SATL1: variants seen among roughly 807,000 people sequenced by gnomAD.
The protein encoded by SATL1 is spermidine/spermine N(1)-acetyltransferase-like protein 1.
Under a neutral mutation model 51.8 loss-of-function variants are expected in SATL1, and 47 were observed. The observed-to-expected ratio is 0.91, with a 90% confidence interval of 0.72 to 1.16. The LOEUF is 1.16. Ranked by LOEUF, SATL1 falls within the 50% of genes most tolerant of loss-of-function variation. The probability of loss-of-function intolerance (pLI) is 0.00; values close to 1 mark genes in which losing one functional copy is unlikely to be tolerated. For missense variants in SATL1, 520 were observed against 526.4 expected, an observed-to-expected ratio of 0.99 and a Z score of 0.12; for synonymous variants, 176 against 182.4, an observed-to-expected ratio of 0.97 and a Z score of 0.28.
chrX:85,215,033 G>A (rs1338204583), intron 2 of SATL1, among the ~76,000 whole-genome samples: 2 of 111,897 alleles, frequency 1.8e-5, no homozygotes, highest in African/African-American at 6.5e-5. Flanking sequence ...AGTCTGGAGG[G>A]TGGTAGCACT....
At chrX:85,093,034 A>T in intron 7 of SATL1, 151 bp downstream of exon 7, 1 of 508,557 alleles carries the variant, frequency 2.0e-6, no homozygotes, top group Non-Finnish European at 3.2e-6. Flanking sequence ...TGATCATCTG[A>T]TTTGAAAATC....
At chrX:85,201,165 T>C (rs910741372) in intron 2 of SATL1, among the ~76,000 whole-genome samples, 12 of 111,645 alleles carry the variant, frequency 1.1e-4, no homozygotes, top group African/African-American at 3.6e-4. Flanking sequence ...TTTGTGCATG[T>C]GTGTGTGCAC....
Position 85,150,495 on chromosome X carries a change from G to A in SATL1, c.-312-41215C>T, listed in dbSNP as rs201410846. 0.022 allele frequency among the ~76,000 whole-genome samples: 2,420 copies of A among 107,833 alleles called. 163 individuals carry two copies. In the East Asian group the frequency reaches 0.32, roughly 14 times the overall value. 93.6% of individuals were successfully genotyped at this position (107,833 alleles called of 115,157 possible). A position where few individuals can be genotyped will look rare whatever the true frequency, so the allele number is the denominator to read the frequency against. ...CCAGCATCATCCTGATACCAAAGCC[G>A]GGCAGAGACACAACCAAAAAAGAGA... On this transcript the variant is annotated intron_variant, in intron 2 of 7. Coordinates refer to ENST00000644105, the MANE Select transcript of SATL1 (RefSeq NM_001367857.2).
At chrX:85,220,679 A>C (rs1006094774) in intron 2 of SATL1, among the ~76,000 whole-genome samples, 5 of 86,720 alleles carry the variant, frequency 5.8e-5, no homozygotes, top group Admixed American at 1.3e-4. Context: ...AAAAAAAAAA[A>C]AAAAAAAACT....
chrX:85,187,702 T>C, intron 2 of SATL1, among the ~76,000 whole-genome samples: 2 of 111,625 alleles, frequency 1.8e-5, no homozygotes, highest in South Asian at 7.5e-4. Context: ...TTTTGATATG[T>C]TGTTGGTTTT....
chrX:85,185,003 A>T (rs1177170933), intron 2 of SATL1, among the ~76,000 whole-genome samples: 2 of 111,984 alleles, frequency 1.8e-5, no homozygotes, highest in African/African-American at 6.5e-5. Context: ...AGGGACTTAG[A>T]TGTTTTGATC....
intron 1 of SATL1, among the ~76,000 whole-genome samples, chrX:85,230,613 C>T (rs758511373): frequency 3.3e-4 from 37 of 111,950 alleles, no homozygotes; most frequent in South Asian, 1.1e-3. Flanking sequence ...GGAAACAGTC[C>T]ACAGAGTGAA....
intron 2 of SATL1, among the ~76,000 whole-genome samples, chrX:85,161,617 A>C (rs1034516749): frequency 9.0e-6 from 1 of 111,599 alleles, no homozygotes. Context: ...AAGAAGACCT[A>C]ACTATCCTAA....
chrX:85,178,628 A>C (rs1927133399), intron 2 of SATL1, among the ~76,000 whole-genome samples: 1 of 101,465 alleles, frequency 9.9e-6, no homozygotes, highest in Non-Finnish European at 1.9e-5. Context: ...AAAAAAACAA[A>C]AACAAACAAA....
At chrX:85,093,146 G>A (rs1924580131) in intron 7 of SATL1, 39 bp downstream of exon 7, 2 of 1,112,536 alleles carry the variant, frequency 1.8e-6, no homozygotes, top group Admixed American at 2.8e-5. Context: ...TTAAGAAAAG[G>A]TTAATGTATA....
At chrX:85,241,505 A>G (rs1832603412) in intron 1 of SATL1, among the ~76,000 whole-genome samples, 1 of 112,244 alleles carries the variant, frequency 8.9e-6, no homozygotes, top group Non-Finnish European at 1.9e-5. Context: ...TTATAAATAC[A>G]ATACTATTTT....
chrX:85,198,152 C>T (rs1198366594), intron 2 of SATL1, among the ~76,000 whole-genome samples: 2 of 111,731 alleles, frequency 1.8e-5, no homozygotes, highest in African/African-American at 6.5e-5. Flanking sequence ...TGTTTTTGTG[C>T]ATGACTGAAT....
Position 85,094,987 on chromosome X carries a change from C to G in SATL1, c.1703G>C (p.Arg568Thr), listed in dbSNP as rs1924657723. 12 of 1,107,175 alleles carry G rather than the reference C, an allele frequency of 1.1e-5. No homozygotes were observed. The highest frequency in any genetic ancestry group is 1.5e-5 in the Non-Finnish European group (12 of 805,594). 91.2% of individuals were successfully genotyped at this position (1,107,175 alleles called of 1,213,427 possible). The change falls in exon 5 of 8, where the codon AGA (arginine) becomes ACA (threonine). Residue 568 changes from arginine (R) to threonine (T), a missense_variant. Transcript: ENST00000644105. The part of the protein sequence containing the change: ...AMELTAADLL[R>T]DGFGDNPLFY... ...AAGGGGATTGTCCCCAAAGCCATCT[C>G]TGAGTAAATCTGAAATATCAATTCA...
At chrX:85,233,501 A>G (rs1928423297) in intron 1 of SATL1, among the ~76,000 whole-genome samples, 1 of 112,318 alleles carries the variant, frequency 8.9e-6, no homozygotes, top group African/African-American at 3.2e-5. Context: ...AGATAATTCA[A>G]AATAGCTGTG....
Position 85,189,348 on chromosome X carries a change from C to A in SATL1, c.-313+34857G>T, listed in dbSNP as rs749367570. Among the ~76,000 whole-genome samples, 10 of 111,374 alleles carry A rather than the reference C, an allele frequency of 9.0e-5. No homozygotes were observed. The East Asian group carries it at 2.8e-3, about 31-fold the overall frequency. ...TTATATGAGCATGACTCCCAAAAAA[C>A]TTGTTGTAGAGAAAGTCCCTGTTTG... On this transcript the variant is annotated intron_variant, in intron 2 of 7. Transcript: ENST00000644105.
intron 2 of SATL1, among the ~76,000 whole-genome samples, chrX:85,172,127 T>A (rs894532685): frequency 1.8e-5 from 2 of 111,485 alleles, no homozygotes; most frequent in African/African-American, 6.5e-5. Flanking sequence ...TTATCTTATA[T>A]CTTCTTTCCT....
At chrX:85,239,124 AAAATG>A (rs1400138834) in intron 1 of SATL1, among the ~76,000 whole-genome samples, 1 of 111,195 alleles carries the variant, frequency 9.0e-6, no homozygotes, top group African/African-American at 3.3e-5. Flanking sequence ...AAAATAAAAT[AAAATG>A]AAATAAAATA....
intron 2 of SATL1, among the ~76,000 whole-genome samples, chrX:85,162,978 T>G (rs1926755482): frequency 9.1e-6 from 1 of 109,681 alleles, no homozygotes; most frequent in Non-Finnish European, 1.9e-5. Context: ...TCTATATTCA[T>G]CAGAGGTATC....
At chrX:85,174,318 G>A (rs1276879144) in intron 2 of SATL1, among the ~76,000 whole-genome samples, 1 of 109,207 alleles carries the variant, frequency 9.2e-6, no homozygotes, top group African/African-American at 3.3e-5. Context: ...GACCTGTATG[G>A]ATAAAACTTT....
Sources: allele counts gnomAD v4.1 joint callset (sites outside exome capture counted in the v4.1 genomes callset), GRCh38; gene constraint gnomAD v4.1.1; transcripts MANE v1.5; gene names NCBI Gene and HGNC (gene_info 2026-07-23, HGNC 2026-07-21).